The following TAS2R1 variants were observed in gnomAD, a reference collection of about 807,000 sequenced individuals.
The protein encoded by TAS2R1 is taste 2 receptor member 1.
For synonymous variants in TAS2R1, 141 were observed against 134.2 expected (o/e 1.05, Z -0.35); for missense variants, 370 against 353.4 (o/e 1.05, Z -0.38).
chr5:9,665,880 G>T (rs1338201649), intron 1 of TAS2R1, among the ~76,000 whole-genome samples: 5 of 152,188 alleles, frequency 3.3e-5, no homozygotes, highest in Non-Finnish European at 7.4e-5. Flanking sequence ...ATTATACCAT[G>T]ATAATTCACA....
At chr5:9,635,074 C>T (rs1051381064), upstream of TAS2R1, among the ~76,000 whole-genome samples, 5 of 152,118 alleles carry the variant, frequency 3.3e-5, no homozygotes, top group African/African-American at 9.7e-5. Context: ...ATAATGTTGG[C>T]TGTGGGTTTG....
the TAS2R1 span, among the ~76,000 whole-genome samples, chr5:9,851,519 T>G: frequency 1.0e-4 from 3 of 29,888 alleles, no homozygotes; most frequent in African/African-American, 3.3e-4. Context: ...CTGGGATTTG[T>G]TTTTTTTTTT....
chr5:9,775,700 C>T, the TAS2R1 span, among the ~76,000 whole-genome samples: 1 of 151,964 alleles, frequency 6.6e-6, no homozygotes, highest in African/African-American at 2.4e-5. Flanking sequence ...CAGTGGGTTC[C>T]CTTCTGGCCC....
chr5:9,817,080 T>G, the TAS2R1 span, among the ~76,000 whole-genome samples: 10 of 152,200 alleles, frequency 6.6e-5, no homozygotes, highest in Non-Finnish European at 1.3e-4. Context: ...TGAGTCAAAA[T>G]CTTTGATAGG....
the TAS2R1 span, among the ~76,000 whole-genome samples, chr5:9,876,247 A>G: frequency 6.6e-6 from 1 of 152,166 alleles, no homozygotes; most frequent in African/African-American, 2.4e-5. Context: ...AAAAAAAAAA[A>G]AAGTTTGAAA....
chr5:9,667,242 G>A (rs1740652620), intron 1 of TAS2R1, among the ~76,000 whole-genome samples: 1 of 152,168 alleles, frequency 6.6e-6, no homozygotes, highest in Non-Finnish European at 1.5e-5. Flanking sequence ...CTGTTGTCCA[G>A]GAAAACACCC....
At chr5:9,743,386 G>C in the TAS2R1 span, among the ~76,000 whole-genome samples, 6 of 151,658 alleles carry the variant, frequency 4.0e-5, no homozygotes, top group Non-Finnish European at 8.8e-5. Context: ...TGTTACATAT[G>C]TATACATGTG....
At chr5:9,852,189 CA>C in the TAS2R1 span, among the ~76,000 whole-genome samples, 1 of 151,892 alleles carries the variant, frequency 6.6e-6, no homozygotes, top group African/African-American at 2.4e-5. Context: ...GGAGGCTTTA[CA>C]AAAATGGTTT....
chr5:9,825,187 G>T, the TAS2R1 span, among the ~76,000 whole-genome samples: 1 of 152,216 alleles, frequency 6.6e-6, no homozygotes, highest in East Asian at 1.9e-4. Context: ...TGTATTATCT[G>T]TTCTCAGGCT....
chr5:9,757,551 C>T, the TAS2R1 span, among the ~76,000 whole-genome samples: 1 of 152,140 alleles, frequency 6.6e-6, no homozygotes, highest in Non-Finnish European at 1.5e-5. Flanking sequence ...GCAAAAATGA[C>T]ATTTATTAAC....
the TAS2R1 span, among the ~76,000 whole-genome samples, chr5:9,852,701 C>T: frequency 6.6e-6 from 1 of 152,178 alleles, no homozygotes; most frequent in Non-Finnish European, 1.5e-5. Flanking sequence ...ATGAGACAGT[C>T]GGGCAATAGC....
chr5:9,688,730 GGT>G (rs1429674158), intron 1 of TAS2R1, among the ~76,000 whole-genome samples: 1 of 152,090 alleles, frequency 6.6e-6, no homozygotes, highest in Non-Finnish European at 1.5e-5. Context: ...GTCTGATGAT[GGT>G]GTGTTTCCCA....
At chr5:9,716,246 C>T (rs1020782184), upstream of TAS2R1, among the ~76,000 whole-genome samples, 4 of 152,146 alleles carry the variant, frequency 2.6e-5, no homozygotes, top group African/African-American at 9.7e-5. Context: ...AGGAGCCTGG[C>T]CTCTCTTGTT....
chr5:9,805,033 T>A, the TAS2R1 span, among the ~76,000 whole-genome samples: 1 of 151,612 alleles, frequency 6.6e-6, no homozygotes, highest in African/African-American at 2.4e-5. Flanking sequence ...AAGATGCAAA[T>A]AAGCTCAATT....
chr5:9,657,677 T>C (rs965089504), intron 2 of TAS2R1, among the ~76,000 whole-genome samples: 1 of 152,176 alleles, frequency 6.6e-6, no homozygotes, highest in Non-Finnish European at 1.5e-5. Context: ...TTCAGGAACA[T>C]GAAGTTCCTA....
At chr5:9,773,926 T>C in the TAS2R1 span, among the ~76,000 whole-genome samples, 14 of 152,220 alleles carry the variant, frequency 9.2e-5, no homozygotes, top group Non-Finnish European at 1.9e-4. Flanking sequence ...TGATGTTCTA[T>C]AGCCTTCTTG....
chr5:9,804,444 T>C, the TAS2R1 span, among the ~76,000 whole-genome samples: 1 of 152,098 alleles, frequency 6.6e-6, no homozygotes, highest in East Asian at 1.9e-4. Context: ...GAATATACAA[T>C]CTATTCTTCA....
At chr5:9,818,886 A>C in the TAS2R1 span, among the ~76,000 whole-genome samples, 1 of 152,322 alleles carries the variant, frequency 6.6e-6, no homozygotes, top group East Asian at 1.9e-4. Context: ...AGACTTCAAA[A>C]TTGTAAACAC....
the TAS2R1 span, among the ~76,000 whole-genome samples, chr5:9,900,049 A>G: frequency 6.6e-6 from 1 of 152,218 alleles, no homozygotes; most frequent in Non-Finnish European, 1.5e-5. Context: ...TGGTAAGGAA[A>G]TGTTTAGTTT....
Sources: allele counts gnomAD v4.1 joint callset (sites outside exome capture counted in the v4.1 genomes callset), GRCh38; gene constraint gnomAD v4.1.1; transcripts MANE v1.5; gene names NCBI Gene and HGNC (gene_info 2026-07-23, HGNC 2026-07-21).